SHQ1: variants seen among roughly 807,000 people sequenced by gnomAD.
SHQ1 encodes protein SHQ1 homolog.
In SHQ1, 49 loss-of-function variants were observed where a neutral mutation model predicts 53.8. The ratio of observed to expected loss-of-function variants is 0.91; its 90% confidence interval spans 0.72 to 1.16. The LOEUF is 1.16. Ranked by LOEUF, SHQ1 falls within the 50% of genes most tolerant of loss-of-function variation. The probability of loss-of-function intolerance (pLI) is 0.00; values close to 1 mark genes in which losing one functional copy is unlikely to be tolerated. For missense variants in SHQ1, 738 were observed against 683.1 expected (o/e 1.08, Z -0.90); for synonymous variants, 243 against 251.0 (o/e 0.97, Z 0.30).
Position 72,842,378 on chromosome 3 carries a change from T to A in SHQ1, c.233A>T (p.Lys78Ile). 6.2e-7 allele frequency: 1 copy of A among 1,613,720 alleles called. No homozygotes were observed. Among genetic ancestry groups the A allele is most frequent in the Non-Finnish European group, 8.5e-7 (1 of 1,179,744 alleles). Residue 78 changes from lysine to isoleucine, a missense_variant, in exon 3 of 11, where the codon AAA (lysine) becomes ATA (isoleucine). Coordinates refer to ENST00000325599, the MANE Select transcript of SHQ1 (RefSeq NM_018130.3). ...CTCAAAATGCTGGCCAGGGGTTTCTTTGGGCAGGCGAATGGTAAAAATTCC... is the reference window on the plus strand; with the variant it reads ...CTCAAAATGCTGGCCAGGGGTTTCTATGGGCAGGCGAATGGTAAAAATTCC... ...DKGIFTIRLPKETPGQHFEGL... is the reference protein window; with the variant it reads ...DKGIFTIRLPIETPGQHFEGL...
At chr3:72,801,032 G>A (rs1449430964) in intron 9 of SHQ1, among the ~76,000 whole-genome samples, 1 of 152,074 alleles carries the variant, frequency 6.6e-6, no homozygotes, top group Non-Finnish European at 1.5e-5. Flanking sequence ...GATTGTTTCA[G>A]TTTAGAAATA....
intron 4 of SHQ1, among the ~76,000 whole-genome samples, chr3:72,835,237 T>C (rs1707954014): frequency 6.7e-6 from 1 of 150,064 alleles, no homozygotes; most frequent in Admixed American, 6.6e-5. Context: ...CACAAGGACA[T>C]TTTTTTGGGG....
At chr3:72,793,171 T>C (rs77602300) in intron 9 of SHQ1, 135 bp from the exon 10 acceptor site, 14 of 706,674 alleles carry the variant, frequency 2.0e-5, no homozygotes, top group Non-Finnish European at 2.9e-5. Flanking sequence ...AATTTATGAG[T>C]CCTATTAGGT....
intron 10 of SHQ1, among the ~76,000 whole-genome samples, chr3:72,761,467 G>A (rs891993076): frequency 2.6e-5 from 4 of 152,076 alleles, no homozygotes; most frequent in Non-Finnish European, 4.4e-5. Context: ...CTACTGCGCC[G>A]GGCCAAGGAA....
chr3:72,731,446 G>A, the SHQ1 span, among the ~76,000 whole-genome samples: 3 of 151,368 alleles, frequency 2.0e-5, no homozygotes, highest in Admixed American at 6.6e-5. Context: ...AGCACTTTGG[G>A]AGGCCGAGAC....
chr3:72,846,224 C>T (rs1394612045), intron 1 of SHQ1: 2 of 1,535,816 alleles, frequency 1.3e-6, no homozygotes, highest in Admixed American at 2.0e-5. Flanking sequence ...CATGGGGCCT[C>T]CGCAGCTACA....
At chr3:72,768,896 A>G (rs866219297) in intron 10 of SHQ1, among the ~76,000 whole-genome samples, 11 of 152,186 alleles carry the variant, frequency 7.2e-5, no homozygotes, top group African/African-American at 2.4e-4. Context: ...TGATTGCACT[A>G]TAATACGGTC....
chr3:72,772,656 C>CA, intron 10 of SHQ1: 2 of 714,690 alleles, frequency 2.8e-6, no homozygotes, highest in Non-Finnish European at 5.2e-6. Flanking sequence ...ATGTACTAGA[C>CA]AATCTTGATG....
At chr3:72,762,490 T>G (rs911456202) in intron 10 of SHQ1, among the ~76,000 whole-genome samples, 1 of 152,244 alleles carries the variant, frequency 6.6e-6, no homozygotes, top group Non-Finnish European at 1.5e-5. Flanking sequence ...AGAAATGCTA[T>G]TGCTGAAATG....
chr3:72,811,675 C>T (rs1252157155), intron 9 of SHQ1, among the ~76,000 whole-genome samples: 2 of 152,198 alleles, frequency 1.3e-5, no homozygotes, highest in Non-Finnish European at 2.9e-5. Flanking sequence ...CTTCCCCCAT[C>T]CCCACCACCA....
chr3:72,836,986 C>T (rs1559698368), intron 4 of SHQ1, among the ~76,000 whole-genome samples: 1 of 152,154 alleles, frequency 6.6e-6, no homozygotes, highest in Non-Finnish European at 1.5e-5. Flanking sequence ...GAAACAATGG[C>T]CTCAGGTCCC....
chr3:72,772,693 G>A, intron 10 of SHQ1: 1 of 727,848 alleles, frequency 1.4e-6, no homozygotes, highest in Admixed American at 1.9e-5. Flanking sequence ...AGAGCTTGAT[G>A]GTGCACCTCT....
intron 10 of SHQ1, among the ~76,000 whole-genome samples, chr3:72,781,446 T>G (rs1335765812): frequency 6.6e-6 from 1 of 152,192 alleles, no homozygotes; most frequent in Non-Finnish European, 1.5e-5. Context: ...AATTAGATAA[T>G]TCTTCAGTGC....
rs1334912596 is a variant in SHQ1 at position 72,749,415 on chromosome 3, G to A, written c.*869C>T. 13 of 222,958 alleles carry A rather than the reference G, an allele frequency of 5.8e-5. No homozygotes were observed. The highest frequency in any genetic ancestry group is 2.7e-4 in the African/African-American group (12 of 44,766). The allele number at this position is 222,958 out of a possible 1,614,324, so 13.8% of individuals were successfully genotyped here. ...ATGAAAAACATAAAAACAAAAACTC[G>A]TGACACATGCTACCACATGGATGAA... On this transcript the variant is annotated 3_prime_UTR_variant, in exon 11 of 11. Coordinates refer to ENST00000325599, the MANE Select transcript of SHQ1 (RefSeq NM_018130.3).
chr3:72,734,953 CT>C, the SHQ1 span, among the ~76,000 whole-genome samples: 72 of 151,684 alleles, frequency 4.7e-4, 3 homozygotes, highest in African/African-American at 1.7e-3. Flanking sequence ...CCCAGTATGG[CT>C]GTGGAATGGG....
At chr3:72,763,058 CACACAGAGAG>C (rs1382100874) in intron 10 of SHQ1, among the ~76,000 whole-genome samples, 84 of 134,696 alleles carry the variant, frequency 6.2e-4, no homozygotes, top group South Asian at 1.8e-3. Context: ...CACACACACA[CACACAGAGAG>C]AGAGAGAGAG....
At chr3:72,757,191 C>T (rs1705514328) in intron 10 of SHQ1, among the ~76,000 whole-genome samples, 1 of 152,152 alleles carries the variant, frequency 6.6e-6, no homozygotes, top group Non-Finnish European at 1.5e-5. Context: ...ACCTAGAAGC[C>T]TGCCAGGCAT....
chr3:72,766,064 C>A (rs1290625113), intron 10 of SHQ1, among the ~76,000 whole-genome samples: 2 of 152,048 alleles, frequency 1.3e-5, no homozygotes, highest in African/African-American at 4.8e-5. Flanking sequence ...TGCACTTGGG[C>A]CAGGGGGTGT....
intron 9 of SHQ1, among the ~76,000 whole-genome samples, chr3:72,807,133 T>A (rs146329931): frequency 0.014 from 2,150 of 152,276 alleles, 21 homozygotes; most frequent in Non-Finnish European, 0.023. Context: ...AGGAAACTAG[T>A]AGGAGCTGAG....
Sources: gnomAD v4.1 joint callset for allele counts (sites outside exome capture counted in the v4.1 genomes callset) on GRCh38, gnomAD v4.1.1 for gene constraint, MANE v1.5 for transcripts, NCBI Gene and HGNC (gene_info 2026-07-23, HGNC 2026-07-21) for gene names.